Variants in CPED1 observed in about 807,000 individuals in gnomAD.
CPED1 encodes the protein cadherin like and PC-esterase domain containing 1.
CPED1 carries 114 observed loss-of-function variants against 128.2 expected under a neutral mutation model. The ratio of observed to expected loss-of-function variants is 0.89; its 90% CI spans 0.76 to 1.04. The LOEUF is 1.04. Among genes scored for constraint, CPED1 ranks in the 50% least tolerant of loss-of-function variants. The pLI is 0.00. For missense variants in CPED1, 1,211 were observed against 1,207.1 expected, an observed-to-expected ratio of 1.00 and a Z score of -0.05; for synonymous variants, 462 against 426.7, an observed-to-expected ratio of 1.08 and a Z score of -1.02.
At chr7:121,138,484 A>G (rs1795830111) in intron 14 of CPED1, among the ~76,000 whole-genome samples, 1 of 152,068 alleles carries the variant, frequency 6.6e-6, no homozygotes, top group South Asian at 2.1e-4. Flanking sequence ...GGTTTAGGAG[A>G]TAGTGCTCAC....
chr7:121,011,867 T>C (rs575709644), intron 2 of CPED1, among the ~76,000 whole-genome samples: 1 of 152,300 alleles, frequency 6.6e-6, no homozygotes, highest in East Asian at 1.9e-4. Context: ...ATTGAAAGGC[T>C]TATGGAATTT....
intron 16 of CPED1, among the ~76,000 whole-genome samples, chr7:121,230,308 T>A (rs754057277): frequency 6.6e-6 from 1 of 152,124 alleles, no homozygotes; most frequent in South Asian, 2.1e-4. Context: ...AACTGAAATG[T>A]CTGGCTTGGG....
rs530575190 is a variant in CPED1, at chr7:121,100,013, G to T, written c.837G>T (p.Thr279=). The T allele has an allele frequency of 6.2e-7, 1 of 1,613,358 alleles. No individual in the cohort carries two copies. The highest frequency in any genetic ancestry group is 1.1e-5 in the South Asian group (1 of 91,052). Residue 279 remains threonine, a synonymous_variant, in exon 7 of 23, where the codon ACG becomes ACT. Transcript: ENST00000310396. ...SVILKAYVLV[T]SLTPLRAFIH... is the part of the protein sequence containing the mutation. ...TTCTTAAAGCGTATGTGTTGGTGAC[G>T]TCCTTAACCCCTTTGCGTGCATTCA... is the stretch of plus-strand genomic sequence containing the variant.
chr7:121,117,077 TTATATA>T (rs34007948), intron 7 of CPED1, among the ~76,000 whole-genome samples: 8 of 128,756 alleles, frequency 6.2e-5, no homozygotes, highest in African/African-American at 1.8e-4. Context: ...TATATACACA[TTATATA>T]TATATATATA....
intron 16 of CPED1, among the ~76,000 whole-genome samples, chr7:121,227,642 G>A (rs151280470): frequency 2.1e-3 from 325 of 152,200 alleles, no homozygotes; most frequent in African/African-American, 7.4e-3. Flanking sequence ...GAGGTCTAAA[G>A]TGAGATGAAC....
intron 16 of CPED1, among the ~76,000 whole-genome samples, chr7:121,233,630 T>A (rs1425491269): frequency 1.3e-5 from 2 of 152,084 alleles, no homozygotes; most frequent in African/African-American, 4.8e-5. Flanking sequence ...TTGCTGATCA[T>A]CCCAGTGAAG....
intron 3 of CPED1, among the ~76,000 whole-genome samples, chr7:121,029,101 T>C (rs1792668050): frequency 6.6e-6 from 1 of 152,176 alleles, no homozygotes; most frequent in Non-Finnish European, 1.5e-5. Flanking sequence ...ACCTAATTTT[T>C]CCAACATCAT....
At chr7:121,044,501 A>G (rs1793137788) in intron 3 of CPED1, among the ~76,000 whole-genome samples, 2 of 152,054 alleles carry the variant, frequency 1.3e-5, no homozygotes, top group Admixed American at 6.5e-5. Flanking sequence ...AATTTAAAAT[A>G]TTAATTAAAT....
intron 4 of CPED1, among the ~76,000 whole-genome samples, chr7:121,058,686 G>A (rs1038909452): frequency 6.6e-6 from 1 of 152,142 alleles, no homozygotes; most frequent in African/African-American, 2.4e-5. Context: ...ATGTATTTAG[G>A]CAAAGCACCT....
chr7:121,069,247 G>A (rs1213480751), intron 5 of CPED1, among the ~76,000 whole-genome samples: 2 of 152,092 alleles, frequency 1.3e-5, no homozygotes, highest in African/African-American at 4.8e-5. Context: ...CTAACTCTGA[G>A]GCTTAGTTAT....
intron 5 of CPED1, among the ~76,000 whole-genome samples, chr7:121,082,862 A>T (rs1477537519): frequency 6.6e-6 from 1 of 152,232 alleles, no homozygotes; most frequent in African/African-American, 2.4e-5. Flanking sequence ...TGTTTCAGCT[A>T]GGCCTAATGA....
intron 5 of CPED1, among the ~76,000 whole-genome samples, chr7:121,071,299 T>C (rs1187530360): frequency 6.6e-6 from 1 of 152,134 alleles, no homozygotes; most frequent in Non-Finnish European, 1.5e-5. Flanking sequence ...AGTGGTCTAG[T>C]CCTTCTTCTC....
intron 5 of CPED1, among the ~76,000 whole-genome samples, chr7:121,075,122 A>G (rs746133737): frequency 5.9e-5 from 9 of 152,152 alleles, no homozygotes; most frequent in Non-Finnish European, 1.0e-4. Context: ...TATGAGTCCT[A>G]CGGTGTTATT....
intron 5 of CPED1, among the ~76,000 whole-genome samples, chr7:121,064,839 T>A (rs1793785715): frequency 6.6e-6 from 1 of 151,974 alleles, no homozygotes; most frequent in Non-Finnish European, 1.5e-5. Flanking sequence ...GTTCCCAGAG[T>A]GGAAAAAGCA....
chr7:121,294,501 A>G (rs1339765621), intron 22 of CPED1, among the ~76,000 whole-genome samples: 1 of 152,134 alleles, frequency 6.6e-6, no homozygotes, highest in Non-Finnish European at 1.5e-5. Context: ...GGGACTTACA[A>G]ACAGATGCCA....
At chr7:121,129,337 GTA>G (rs756336162) in intron 11 of CPED1, among the ~76,000 whole-genome samples, 2 of 57,850 alleles carry the variant, frequency 3.5e-5, no homozygotes, top group Non-Finnish European at 7.1e-5. Context: ...ATATATATAC[GTA>G]TATATATATA....
chr7:121,266,124 A>G lies in CPED1; in HGVS notation c.2311-103A>G, dbSNP rs751388799. The stretch of plus-strand genomic sequence containing the variant: ...CAATTTGAAGGGCTGTCCTTCAAAC[A>G]GTTAGGTAGTAGTGTGAATATTCAA... On this transcript the variant is annotated intron_variant, in intron 18 of 22. Coordinates refer to ENST00000310396, the MANE Select transcript of CPED1 (RefSeq NM_024913.5). 6.6e-4 allele frequency: 531 copies of G among 807,428 alleles called. 7 individuals are homozygous for G. Among genetic ancestry groups the G allele is most frequent in the Middle Eastern group, 3.2e-3 (14 of 4,324 alleles). 50.0% of individuals were successfully genotyped at this position (807,428 alleles called of 1,614,324 possible).
intron 18 of CPED1, among the ~76,000 whole-genome samples, chr7:121,247,410 C>T (rs1274707884): frequency 2.0e-5 from 3 of 152,104 alleles, no homozygotes; most frequent in East Asian, 1.9e-4. Flanking sequence ...ACAAGAGGGC[C>T]AGTGACATAG....
chr7:121,223,612 T>A (rs1282685612), intron 16 of CPED1, among the ~76,000 whole-genome samples: 1 of 152,176 alleles, frequency 6.6e-6, no homozygotes, highest in Non-Finnish European at 1.5e-5. Flanking sequence ...GTTGGTAGGC[T>A]ATTAATTATT....
Sources: allele counts gnomAD v4.1 joint callset (sites outside exome capture counted in the v4.1 genomes callset), GRCh38; gene constraint gnomAD v4.1.1; transcripts MANE v1.5; gene names NCBI Gene and HGNC (gene_info 2026-07-23, HGNC 2026-07-21).